The following ZNG1E variants were observed in gnomAD, a reference collection of about 807,000 sequenced individuals.
The protein encoded by ZNG1E is zinc-regulated GTPase metalloprotein activator 1E.
chr9:65,686,302 T>A, the ZNG1E span, among the ~76,000 whole-genome samples: 5 of 149,776 alleles, frequency 3.3e-5, no homozygotes, highest in East Asian at 7.9e-4. Flanking sequence ...AAGTCCTAAA[T>A]GGCATCTTCT....
the ZNG1E span, among the ~76,000 whole-genome samples, chr9:65,687,897 C>G: frequency 6.6e-6 from 1 of 150,578 alleles, no homozygotes; most frequent in African/African-American, 2.4e-5. Context: ...AATCATTTTT[C>G]CCTAAATTAT....
the ZNG1E span, among the ~76,000 whole-genome samples, chr9:65,668,492 T>C: frequency 2.0e-5 from 3 of 150,746 alleles, no homozygotes; most frequent in African/African-American, 7.3e-5. Flanking sequence ...ATAAATACTA[T>C]ATATATATAC....
chr9:65,717,961 A>T, the ZNG1E span, among the ~76,000 whole-genome samples: 438 of 146,266 alleles, frequency 3.0e-3, 9 homozygotes, highest in African/African-American at 0.011. Context: ...TAATGGGATT[A>T]TAGGCATGAG....
At chr9:65,691,987 ATAAT>A in the ZNG1E span, among the ~76,000 whole-genome samples, 1 of 101,854 alleles carries the variant, frequency 9.8e-6, no homozygotes, top group African/African-American at 3.5e-5. Flanking sequence ...TTCCTTAGGC[ATAAT>A]TAAACTCATT....
the ZNG1E span, among the ~76,000 whole-genome samples, chr9:65,659,230 G>C: frequency 6.6e-6 from 1 of 151,928 alleles, no homozygotes; most frequent in African/African-American, 2.4e-5. Context: ...AGGCATGGTG[G>C]CTCACGCCTG....
chr9:65,657,506 G>A, the ZNG1E span, among the ~76,000 whole-genome samples: 249 of 152,270 alleles, frequency 1.6e-3, no homozygotes, highest in African/African-American at 5.9e-3. Flanking sequence ...CTCATTTGTG[G>A]GACCTAAAAA....
At chr9:65,686,243 CT>C in the ZNG1E span, among the ~76,000 whole-genome samples, 1 of 145,596 alleles carries the variant, frequency 6.9e-6, no homozygotes, top group East Asian at 2.0e-4. Flanking sequence ...GAGAGTCAGC[CT>C]GTCCTTTGAA....
At chr9:65,658,694 G>T in the ZNG1E span, among the ~76,000 whole-genome samples, 1 of 147,872 alleles carries the variant, frequency 6.8e-6, no homozygotes, top group South Asian at 2.1e-4. Context: ...ACCACAGACT[G>T]GGTGGCTTGA....
the ZNG1E span, among the ~76,000 whole-genome samples, chr9:65,667,832 C>T: frequency 1.4e-5 from 2 of 145,432 alleles, no homozygotes; most frequent in Admixed American, 1.4e-4. Context: ...CCCATCTGTA[C>T]TAAAAATACA....
the ZNG1E span, among the ~76,000 whole-genome samples, chr9:65,667,513 G>T: frequency 6.6e-6 from 1 of 152,272 alleles, no homozygotes; most frequent in Non-Finnish European, 1.5e-5. Flanking sequence ...AGGAGAATAA[G>T]AATAAAGTTT....
the ZNG1E span, among the ~76,000 whole-genome samples, chr9:65,678,645 C>G: frequency 4.7e-4 from 65 of 138,922 alleles, 4 homozygotes; most frequent in African/African-American, 1.8e-3. Context: ...GTACGGTTCA[C>G]AAGACTTTTT....
At chr9:65,717,684 C>T in the ZNG1E span, among the ~76,000 whole-genome samples, 1 of 149,256 alleles carries the variant, frequency 6.7e-6, no homozygotes, top group African/African-American at 2.6e-5. Context: ...ATTTGCCTTT[C>T]ATTTTTTTTT....
At chr9:65,685,226 C>T in the ZNG1E span, among the ~76,000 whole-genome samples, 2 of 152,260 alleles carry the variant, frequency 1.3e-5, no homozygotes, top group African/African-American at 4.8e-5. Context: ...GGTCTTGTCA[C>T]AATGTTGATG....
the ZNG1E span, among the ~76,000 whole-genome samples, chr9:65,657,020 T>C: frequency 3.4e-3 from 499 of 148,378 alleles, no homozygotes; most frequent in Non-Finnish European, 5.3e-3. Flanking sequence ...TAAGGGGAAC[T>C]ACCAGCATGA....
the ZNG1E span, among the ~76,000 whole-genome samples, chr9:65,672,633 A>T: frequency 6.2e-3 from 941 of 151,364 alleles, 3 homozygotes; most frequent in African/African-American, 0.022. Context: ...AATCCCAGCT[A>T]CTCAGGAAGC....
At chr9:65,693,722 TA>T in the ZNG1E span, among the ~76,000 whole-genome samples, 1 of 151,722 alleles carries the variant, frequency 6.6e-6, no homozygotes. Flanking sequence ...CATGCCCAGC[TA>T]ATTTTGTATT....
chr9:65,665,435 G>C, the ZNG1E span, among the ~76,000 whole-genome samples: 290 of 151,698 alleles, frequency 1.9e-3, no homozygotes, highest in African/African-American at 6.6e-3. Context: ...CGGGTGCACA[G>C]AAGTCAAGAA....
the ZNG1E span, among the ~76,000 whole-genome samples, chr9:65,724,193 AGGAAAACATCTGG>A: frequency 6.6e-6 from 1 of 150,746 alleles, no homozygotes; most frequent in Non-Finnish European, 1.5e-5. Context: ...TTATTGGTGT[AGGAAAACATCTGG>A]TTCCAAAATA....
At chr9:65,658,207 C>A in the ZNG1E span, among the ~76,000 whole-genome samples, 1 of 149,462 alleles carries the variant, frequency 6.7e-6, no homozygotes, top group African/African-American at 2.6e-5. Context: ...TAAAAAATAT[C>A]CACAGAGGCG....
Sources: gnomAD v4.1 joint callset for allele counts (sites outside exome capture counted in the v4.1 genomes callset) on GRCh38, gnomAD v4.1.1 for gene constraint, MANE v1.5 for transcripts, NCBI Gene and HGNC (gene_info 2026-07-23, HGNC 2026-07-21) for gene names.